HEY2: variants seen among roughly 807,000 people sequenced by gnomAD.
HEY2 encodes hairy/enhancer-of-split related with YRPW motif protein 2.
In HEY2, 10 loss-of-function variants were observed where a neutral mutation model predicts 18.1. The observed-to-expected ratio is 0.55, with a 90% CI of 0.34 to 0.94. HEY2 has a LOEUF of 0.94. Among genes scored for constraint, HEY2 ranks in the 40% least tolerant of loss-of-function variants. HEY2 has a pLI of 0.02. For missense variants in HEY2, 455 were observed against 455.9 expected, an observed-to-expected ratio of 1.00 and a Z score of 0.02; for synonymous variants, 210 against 182.7, an observed-to-expected ratio of 1.15 and a Z score of -1.21.
chr6:125,752,090 A>G lies in HEY2; in HGVS notation c.246A>G (p.Gln82=), dbSNP rs141450342. The G allele has an allele frequency of 1.1e-4, 181 of 1,607,460 alleles. 2 individuals are homozygous for G. The African/African-American group carries it at 2.0e-3, about 18-fold the overall frequency. Residue 82 remains glutamine (Q), a splice_region_variant and synonymous_variant, in exon 3 of 5, where the codon CAA becomes CAG. Coordinates refer to ENST00000368364, the MANE Select transcript of HEY2 (RefSeq NM_012259.3). The stretch of plus-strand genomic sequence containing the variant: ...TTGTGCCAACTGCTTTTGAAAAACA[A>G]GTAAGCTATCCCCTCCCCAGAATCC... ...RRLVPTAFEK[Q]GSAKLEKAEI...
chr6:125,756,505 T>G (rs1773660053), intron 4 of HEY2, among the ~76,000 whole-genome samples: 1 of 151,846 alleles, frequency 6.6e-6, no homozygotes, highest in Non-Finnish European at 1.5e-5. Context: ...AGGCAGAGGT[T>G]GTGGTGAGCC....
In HEY2 at chr6:125,759,645, T is replaced by C. The variant is rs558910462; in HGVS notation, c.857T>C (p.Phe286Ser). The change falls in exon 5 of 5, where the codon TTC becomes TCC. Residue 286 changes from phenylalanine (F) to serine (S), a missense_variant. Physicochemically the swap from Phe to Ser is radical, Grantham distance 155. Coordinates refer to ENST00000368364, the MANE Select transcript of HEY2 (RefSeq NM_012259.3). Reference protein sequence around the residue: ...HSFPLSFAGAFPMLPPNAAAA... With the variant: ...HSFPLSFAGASPMLPPNAAAA... The stretch of plus-strand genomic sequence containing the variant: ...TTCCCTCTGTCCTTCGCGGGGGCAT[T>C]CCCCATGCTTCCCCCAAACGCAGCA... 3 of 1,611,206 alleles carry C rather than the reference T, an allele frequency of 1.9e-6. No individual in the cohort carries two copies. The highest frequency in any genetic ancestry group is 2.5e-6 in the Non-Finnish European group (3 of 1,179,902).
chr6:125,759,734 C>G lies in HEY2; in HGVS notation c.946C>G (p.Gln316Glu), dbSNP rs1773754879. The part of the protein sequence containing the change: ...PLSVSATSSP[Q>E]QTSSGTNNKP... ...GTCAGTATCAGCCACGTCCAGTCCT[C>G]AGCAGACCAGCAGTGGAACAAACAA... The change falls in exon 5 of 5, where the codon CAG becomes GAG. Residue 316 changes from glutamine to glutamate, a missense_variant. Coordinates refer to ENST00000368364, the MANE Select transcript of HEY2 (RefSeq NM_012259.3). 6.2e-7 allele frequency: 1 copy of G among 1,613,648 alleles called. No individual in the cohort carries two copies. Among genetic ancestry groups the G allele is most frequent in the African/African-American group, 1.3e-5 (1 of 74,938 alleles).
chr6:125,756,733 A>G (rs80355834), intron 4 of HEY2, among the ~76,000 whole-genome samples: 2,249 of 152,302 alleles, frequency 0.015, 58 homozygotes, highest in African/African-American at 0.052. Flanking sequence ...GACTTTGGGC[A>G]AATTACCCCC....
At chr6:125,750,424 C>T (rs775180338) in intron 1 of HEY2, 21 of 983,906 alleles carry the variant, frequency 2.1e-5, no homozygotes, top group Non-Finnish European at 2.4e-5. Context: ...ACTGCTTGTT[C>T]TCAAGTCTGG....
chr6:125,758,728 T>A (rs1048060304), intron 4 of HEY2, among the ~76,000 whole-genome samples: 1 of 152,216 alleles, frequency 6.6e-6, no homozygotes, highest in Non-Finnish European at 1.5e-5. Context: ...ACTGGAACTC[T>A]GTATTTCCAT....
At chr6:125,754,376 T>A in intron 3 of HEY2, 89 bp from the exon 4 acceptor site, 3 of 658,770 alleles carry the variant, frequency 4.6e-6, no homozygotes, top group East Asian at 3.2e-5. Context: ...AGAGGGAAAT[T>A]GAAGCCATAA....
chr6:125,749,879 G>A lies in HEY2; in HGVS notation c.83+20G>A. The A allele has an allele frequency of 1.9e-6, 3 of 1,551,444 alleles. No individual in the cohort carries two copies. The highest frequency in any genetic ancestry group is 1.2e-5 in the South Asian group (1 of 84,102). On this transcript the variant is annotated intron_variant, in intron 1 of 4. Transcript: ENST00000368364. The stretch of plus-strand genomic sequence containing the variant: ...CTCGGGGTGAGCGCGGGCTCCGCGG[G>A]AGCGGCCCGCAGCTCGGGAGCTTGG...
intron 3 of HEY2, among the ~76,000 whole-genome samples, chr6:125,753,040 A>G (rs1773583851): frequency 6.6e-6 from 1 of 152,226 alleles, no homozygotes; most frequent in Non-Finnish European, 1.5e-5. Context: ...TTTTCATGGA[A>G]AAATTAAACG....
intron 3 of HEY2, among the ~76,000 whole-genome samples, 160 bp from the exon 4 acceptor site, chr6:125,754,305 G>A (rs1466968576): frequency 6.6e-6 from 1 of 152,190 alleles, no homozygotes; most frequent in African/African-American, 2.4e-5. Context: ...GTGCTTTCAT[G>A]TAAAGTTTGG....
rs1256397071 is a variant in HEY2, at chr6:125,760,620, A to G, written c.*818A>G. On this transcript the variant is annotated 3_prime_UTR_variant, in exon 5 of 5. Transcript: ENST00000368364. Reference sequence around the variant, plus strand: ...ACATTTATATAGTGCACCTATGAGCAGTTGCCTACCATGTGTCCACCAGAG... The same window carrying G: ...ACATTTATATAGTGCACCTATGAGCGGTTGCCTACCATGTGTCCACCAGAG... 6.6e-6 allele frequency: 1 copy of G among 152,164 alleles called. No individual in the cohort carries two copies. Among genetic ancestry groups the G allele is most frequent in the East Asian group, 1.9e-4 (1 of 5,196 alleles). The allele number at this position is 152,164 out of a possible 1,614,324, so 9.4% of individuals were successfully genotyped here. A position where few individuals can be genotyped will look rare whatever the true frequency, so the allele number is the denominator to read the frequency against.
At chr6:125,751,964 T>G in intron 2 of HEY2, 43 bp from the exon 3 acceptor site, 1 of 1,591,822 alleles carries the variant, frequency 6.3e-7, no homozygotes, top group South Asian at 1.1e-5. Context: ...AATTTTATCA[T>G]TTGTGAATTC....
chr6:125,755,845 C>T (rs1444516218), intron 4 of HEY2, among the ~76,000 whole-genome samples: 1 of 152,170 alleles, frequency 6.6e-6, no homozygotes, highest in Non-Finnish European at 1.5e-5. Flanking sequence ...GTGCCTCTGA[C>T]CTAAGAAAAA....
chr6:125,757,305 CTCT>C (rs919885683), intron 4 of HEY2, among the ~76,000 whole-genome samples: 3 of 152,324 alleles, frequency 2.0e-5, no homozygotes, highest in Non-Finnish European at 4.4e-5. Context: ...CCATGAATAC[CTCT>C]TCTTCAGGAA....
At chr6:125,753,826 T>G (rs1773598218) in intron 3 of HEY2, among the ~76,000 whole-genome samples, 1 of 152,198 alleles carries the variant, frequency 6.6e-6, no homozygotes, top group Admixed American at 6.5e-5. Context: ...GTTTGTGAGC[T>G]TAGAAATTCA....
In HEY2 at chr6:125,759,648, C is replaced by G; in HGVS notation, c.860C>G (p.Pro287Arg). 1.2e-6 allele frequency: 2 copies of G among 1,611,532 alleles called. No homozygotes were observed. Among genetic ancestry groups the G allele is most frequent in the Non-Finnish European group, 1.7e-6 (2 of 1,179,954 alleles). The stretch of plus-strand genomic sequence containing the variant: ...CCTCTGTCCTTCGCGGGGGCATTCC[C>G]CATGCTTCCCCCAAACGCAGCAGCA... ...SFPLSFAGAF[P>R]MLPPNAAAAV... Residue 287 changes from proline (P) to arginine (R), a missense_variant, in exon 5 of 5, where the codon CCC (proline) becomes CGC (arginine). Physicochemically the swap from Pro to Arg is moderately radical, Grantham distance 103 (BLOSUM62 -2). Coordinates refer to ENST00000368364, the MANE Select transcript of HEY2 (RefSeq NM_012259.3).
Position 125,759,207 on chromosome 6 carries a change from T to G in HEY2, c.419T>G (p.Val140Gly). 1 of 1,613,246 alleles carries G rather than the reference T, an allele frequency of 6.2e-7. No homozygotes were observed. Among genetic ancestry groups the G allele is most frequent in the Non-Finnish European group, 8.5e-7 (1 of 1,180,022 alleles). ...GAAGTTGCGCGGTACCTGAGCTCCG[T>G]GGAAGGCCTGGACTCCTCGGATCCG... Reference protein sequence around the residue: ...LTEVARYLSSVEGLDSSDPLR... With the variant: ...LTEVARYLSSGEGLDSSDPLR... Residue 140 changes from valine to glycine, a missense_variant, in exon 5 of 5, where the codon GTG (valine) becomes GGG (glycine). Physicochemically the swap from Val to Gly is moderately radical, Grantham distance 109. Transcript: ENST00000368364.
chr6:125,749,771 G>A lies in HEY2; in HGVS notation c.-6G>A, dbSNP rs1333099708. ...CCGGGCTGTGCCCCGCGCGGTCTTC[G>A]CCGGGATGAAGCGCCCCTGCGAGGA... is the stretch of plus-strand genomic sequence containing the variant. On this transcript the variant is annotated 5_prime_UTR_variant, in exon 1 of 5. Coordinates refer to ENST00000368364, the MANE Select transcript of HEY2 (RefSeq NM_012259.3). 1 of 1,566,632 alleles carries A rather than the reference G, an allele frequency of 6.4e-7. No homozygotes were observed. The highest frequency in any genetic ancestry group is 1.4e-5 in the African/African-American group (1 of 73,680).
At chr6:125,752,443 A>AAG (rs1773570001) in intron 3 of HEY2, among the ~76,000 whole-genome samples, 1 of 150,882 alleles carries the variant, frequency 6.6e-6, no homozygotes, top group African/African-American at 2.4e-5. Flanking sequence ...AAAAAAAAAA[A>AAG]CCATTTTTTT....
Sources: allele counts gnomAD v4.1 joint callset (sites outside exome capture counted in the v4.1 genomes callset), GRCh38; gene constraint gnomAD v4.1.1; transcripts MANE v1.5; gene names NCBI Gene and HGNC (gene_info 2026-07-23, HGNC 2026-07-21).